The following PDHX variants were observed in gnomAD, a reference collection of about 807,000 sequenced individuals.
PDHX encodes pyruvate dehydrogenase protein X component, mitochondrial.
Under a neutral mutation model 55.3 loss-of-function variants are expected in PDHX, and 33 were observed. The ratio of observed to expected loss-of-function variants is 0.60; its 90% confidence interval spans 0.45 to 0.80. The LOEUF (loss-of-function observed/expected upper bound fraction) is 0.80. Ranked by LOEUF, PDHX falls within the 30% of genes least tolerant of loss-of-function variation. The pLI is 0.00. For synonymous variants in PDHX, 226 were observed against 219.4 expected (o/e 1.03, Z -0.27); for missense variants, 622 against 619.9 (o/e 1.00, Z -0.04).
chr11:34,993,189 T>G (rs1855791108), intron 10 of PDHX, among the ~76,000 whole-genome samples: 1 of 152,110 alleles, frequency 6.6e-6, no homozygotes, highest in Admixed American at 6.6e-5. Context: ...TTCTTATTTC[T>G]GGATATACAG....
In PDHX at chr11:34,920,512, A is replaced by C. The variant is rs182717777; in HGVS notation, c.160+3697A>C. Among the ~76,000 whole-genome samples the C allele has an allele frequency of 3.3e-5, 5 of 152,348 alleles. No homozygotes were observed. The East Asian group carries it at 7.7e-4, about 23-fold the overall frequency. On this transcript the variant is annotated intron_variant, in intron 1 of 10. Coordinates refer to ENST00000227868, the MANE Select transcript of PDHX (RefSeq NM_003477.3). ...AACTGACCCACATTGTTTTAGCAGA[A>C]AAACTTATGGCAAAATTTTAAAATC...
chr11:34,995,369 C>T lies in PDHX; in HGVS notation c.*197C>T. The T allele has an allele frequency of 8.8e-6, 5 of 568,890 alleles. No individual in the cohort carries two copies. Among genetic ancestry groups the T allele is most frequent in the Non-Finnish European group, 1.6e-5 (5 of 320,562 alleles). The allele number at this position is 568,890 out of a possible 1,614,324, so 35.2% of individuals were successfully genotyped here. A position where few individuals can be genotyped will look rare whatever the true frequency, so the allele number is the denominator to read the frequency against. ...TGTTATAGAAATAAATGATGATAAA[C>T]TCTAACTAATAAAGGAAAGAGAATA... On this transcript the variant is annotated 3_prime_UTR_variant, in exon 11 of 11. Transcript: ENST00000227868.
chr11:34,968,513 A>G (rs1855185142), intron 6 of PDHX, among the ~76,000 whole-genome samples: 1 of 152,220 alleles, frequency 6.6e-6, no homozygotes, highest in Non-Finnish European at 1.5e-5. Context: ...AAAATCTGTC[A>G]TGCTTTTTTG....
At chr11:34,924,729 A>G (rs1853976531) in intron 1 of PDHX, among the ~76,000 whole-genome samples, 1 of 152,164 alleles carries the variant, frequency 6.6e-6, no homozygotes, top group African/African-American at 2.4e-5. Flanking sequence ...TATTTCATTT[A>G]GCACAATAGT....
At chr11:34,973,962 G>A (rs1456783805) in intron 7 of PDHX, among the ~76,000 whole-genome samples, 1 of 151,904 alleles carries the variant, frequency 6.6e-6, no homozygotes, top group African/African-American at 2.4e-5. Flanking sequence ...CTCAGTTTTT[G>A]TCTGAAAAAG....
At chr11:34,989,408 G>C (rs570571458) in intron 9 of PDHX, among the ~76,000 whole-genome samples, 1 of 152,290 alleles carries the variant, frequency 6.6e-6, no homozygotes, top group South Asian at 2.1e-4. Context: ...GAAGAGACCT[G>C]AGTCAAACGG....
chr11:34,987,770 C>T (rs756338724), intron 9 of PDHX, among the ~76,000 whole-genome samples: 6 of 149,586 alleles, frequency 4.0e-5, no homozygotes, highest in Non-Finnish European at 7.4e-5. Context: ...GTGTTCTTCA[C>T]GTCCAATATA....
At chr11:34,933,924 GA>G (rs528405516) in intron 2 of PDHX, among the ~76,000 whole-genome samples, 25 of 151,866 alleles carry the variant, frequency 1.6e-4, no homozygotes, top group South Asian at 4.2e-4. Context: ...TAATACTAAA[GA>G]AAAAAAATTA....
intron 2 of PDHX, among the ~76,000 whole-genome samples, chr11:34,943,906 T>C (rs974318750): frequency 6.6e-6 from 1 of 152,140 alleles, no homozygotes; most frequent in Non-Finnish European, 1.5e-5. Flanking sequence ...CAAAGCATCC[T>C]GACCTCACCT....
At chr11:34,978,601 A>G (rs1279810662) in intron 8 of PDHX, among the ~76,000 whole-genome samples, 4 of 152,132 alleles carry the variant, frequency 2.6e-5, no homozygotes, top group Non-Finnish European at 1.5e-5. Flanking sequence ...ACAAGGCGAT[A>G]ATTTAGATAC....
At chr11:34,945,385 A>C (rs1263161545) in intron 2 of PDHX, among the ~76,000 whole-genome samples, 1 of 152,192 alleles carries the variant, frequency 6.6e-6, no homozygotes, top group Non-Finnish European at 1.5e-5. Context: ...CTTCTTGATG[A>C]ACTGCATCTT....
chr11:34,982,177 T>A (rs1172566140), intron 8 of PDHX, among the ~76,000 whole-genome samples: 1 of 152,174 alleles, frequency 6.6e-6, no homozygotes, highest in Non-Finnish European at 1.5e-5. Context: ...TTAATTTTTG[T>A]ATAAGGTGTA....
At chr11:34,978,820 G>A (rs1232628321) in intron 8 of PDHX, among the ~76,000 whole-genome samples, 3 of 152,152 alleles carry the variant, frequency 2.0e-5, no homozygotes, top group African/African-American at 7.2e-5. Context: ...AGTACATGAG[G>A]CCTTGTTGGA....
In PDHX at chr11:34,946,950, T is replaced by A. The variant is rs1854634300; in HGVS notation, c.242-556T>A. ...CAGGTCTTCCTCCATATTTTTGAGT[T>A]TCCAGATATTTTCTGTTGCAGAGAA... On this transcript the variant is annotated intron_variant, in intron 2 of 10. Coordinates refer to ENST00000227868, the MANE Select transcript of PDHX (RefSeq NM_003477.3). Among the ~76,000 whole-genome samples the A allele has an allele frequency of 4.6e-5, 7 of 152,208 alleles. No individual in the cohort carries two copies. The South Asian group carries it at 1.4e-3, about 32-fold the overall frequency.
intron 2 of PDHX, among the ~76,000 whole-genome samples, chr11:34,936,916 G>A (rs1280011176): frequency 6.6e-6 from 1 of 151,262 alleles, no homozygotes; most frequent in African/African-American, 2.4e-5. Flanking sequence ...AGCCTCCCAA[G>A]TAGCTGGGAC....
chr11:34,951,637 T>G (rs910853299), intron 3 of PDHX, among the ~76,000 whole-genome samples: 1 of 152,172 alleles, frequency 6.6e-6, no homozygotes, highest in Non-Finnish European at 1.5e-5. Context: ...TTTCTCCCAT[T>G]TTATAGGTTG....
chr11:34,926,670 ATT>A (rs10709327), intron 1 of PDHX, among the ~76,000 whole-genome samples: 4 of 151,642 alleles, frequency 2.6e-5, no homozygotes, highest in Non-Finnish European at 4.4e-5. Context: ...CTTGTATTAA[ATT>A]TTTTTTTTAA....
At chr11:34,992,793 G>T (rs1316858920) in intron 10 of PDHX, among the ~76,000 whole-genome samples, 4 of 152,050 alleles carry the variant, frequency 2.6e-5, no homozygotes, top group Non-Finnish European at 5.9e-5. Flanking sequence ...CCAGTTCGGG[G>T]CTATTACAAA....
intron 4 of PDHX, 27 bp downstream of exon 4, chr11:34,957,610 A>C (rs770512866): frequency 6.4e-7 from 1 of 1,563,942 alleles, no homozygotes; most frequent in East Asian, 2.2e-5. Flanking sequence ...TCAAAGGATG[A>C]TGTAAAAAAA....
Sources: gnomAD v4.1 joint callset for allele counts (sites outside exome capture counted in the v4.1 genomes callset) on GRCh38, gnomAD v4.1.1 for gene constraint, MANE v1.5 for transcripts, NCBI Gene and HGNC (gene_info 2026-07-23, HGNC 2026-07-21) for gene names.